Variants in KCNJ3 observed in about 807,000 individuals in gnomAD.
KCNJ3 encodes potassium inwardly rectifying channel subfamily J member 3.
KCNJ3 carries 4 observed loss-of-function variants against 39.2 expected under a neutral mutation model. The observed-to-expected ratio is 0.10, with a 90% CI of 0.05 to 0.23. KCNJ3 has a LOEUF of 0.23. KCNJ3 is among the 10% of genes least tolerant of loss of function. The pLI is 1.00. For missense variants in KCNJ3, 276 were observed against 634.9 expected, an observed-to-expected ratio of 0.43 and a Z score of 6.08; for synonymous variants, 230 against 237.4, an observed-to-expected ratio of 0.97 and a Z score of 0.29.
At chr2:154,773,460 G>A (rs1248925655) in intron 2 of KCNJ3, among the ~76,000 whole-genome samples, 1 of 152,086 alleles carries the variant, frequency 6.6e-6, no homozygotes, top group Non-Finnish European at 1.5e-5. Flanking sequence ...TATTGGGTAT[G>A]TAGGGTTTAG....
chr2:154,801,653 G>A lies in KCNJ3; in HGVS notation c.920-53074G>A, dbSNP rs1293325161. On this transcript the variant is annotated intron_variant, in intron 2 of 2. Coordinates refer to ENST00000295101, the MANE Select transcript of KCNJ3 (RefSeq NM_002239.4). ...TTTGTTTTTGAGACAGGTTGATACA[G>A]GGTCTCATTCTGTCACCCAGGCTGG... is the stretch of plus-strand genomic sequence containing the variant. Among the ~76,000 whole-genome samples the A allele has an allele frequency of 2.0e-5, 3 of 148,794 alleles. No homozygotes were observed. In the East Asian group the frequency reaches 6.0e-4, roughly 30 times the overall value.
intron 2 of KCNJ3, among the ~76,000 whole-genome samples, chr2:154,730,307 T>C (rs2105166738): frequency 6.6e-6 from 1 of 152,144 alleles, no homozygotes; most frequent in South Asian, 2.1e-4. Flanking sequence ...TTTGATTAAA[T>C]TAAAGCCTTC....
chr2:154,760,799 C>T (rs1332353060), intron 2 of KCNJ3, among the ~76,000 whole-genome samples: 45 of 135,232 alleles, frequency 3.3e-4, no homozygotes, highest in Middle Eastern at 5.1e-3. Flanking sequence ...TGCAGTGGTG[C>T]GATCTCTGCT....
chr2:154,702,226 A>T (rs767376423), intron 1 of KCNJ3, among the ~76,000 whole-genome samples: 5 of 152,008 alleles, frequency 3.3e-5, no homozygotes, highest in African/African-American at 4.8e-5. Flanking sequence ...ATGTGTCTTT[A>T]ATGCAGAATG....
chr2:154,848,555 T>G (rs1429212870), intron 2 of KCNJ3, among the ~76,000 whole-genome samples: 1 of 152,202 alleles, frequency 6.6e-6, no homozygotes, highest in Non-Finnish European at 1.5e-5. Context: ...CACTCATCAA[T>G]TGGTTTCCCA....
chr2:154,794,415 T>C (rs1266863509), intron 2 of KCNJ3, among the ~76,000 whole-genome samples: 2 of 152,170 alleles, frequency 1.3e-5, no homozygotes, highest in East Asian at 3.9e-4. Context: ...AACAGTGTTA[T>C]TTCAAAACGT....
intron 2 of KCNJ3, among the ~76,000 whole-genome samples, chr2:154,734,488 C>G (rs1340939554): frequency 6.6e-6 from 1 of 152,104 alleles, no homozygotes; most frequent in Non-Finnish European, 1.5e-5. Context: ...TAAGTGTGAG[C>G]CACCTCAAAA....
chr2:154,771,601 T>G (rs894047037), intron 2 of KCNJ3, among the ~76,000 whole-genome samples: 3 of 152,114 alleles, frequency 2.0e-5, no homozygotes, highest in Non-Finnish European at 4.4e-5. Flanking sequence ...AGGTTGTGTA[T>G]TCCAAAAGGT....
chr2:154,855,761 A>T lies in KCNJ3; in HGVS notation c.*448A>T, dbSNP rs537129410. The T allele has an allele frequency of 6.5e-6, 1 of 154,062 alleles. No homozygotes were observed. The highest frequency in any genetic ancestry group is 2.4e-5 in the African/African-American group (1 of 41,490). 9.5% of individuals were successfully genotyped at this position (154,062 alleles called of 1,614,324 possible). On this transcript the variant is annotated 3_prime_UTR_variant, in exon 3 of 3. Coordinates refer to ENST00000295101, the MANE Select transcript of KCNJ3 (RefSeq NM_002239.4). ...TGTGTGTGTGTATGTATACACACAT[A>T]TACATATATATATACACATACATAC...
intron 2 of KCNJ3, among the ~76,000 whole-genome samples, chr2:154,774,074 A>G (rs1686288957): frequency 6.6e-6 from 1 of 152,140 alleles, no homozygotes; most frequent in Non-Finnish European, 1.5e-5. Flanking sequence ...TTGCTCTCCT[A>G]TTTTATTATG....
chr2:154,823,396 T>A (rs2105112082), intron 2 of KCNJ3, among the ~76,000 whole-genome samples: 1 of 120,400 alleles, frequency 8.3e-6, no homozygotes, highest in South Asian at 3.0e-4. Flanking sequence ...CCGTAGAAAC[T>A]TTCCACATTC....
At chr2:154,819,862 T>TTAAG (rs1229478826) in intron 2 of KCNJ3, among the ~76,000 whole-genome samples, 1 of 151,858 alleles carries the variant, frequency 6.6e-6, no homozygotes, top group Non-Finnish European at 1.5e-5. Flanking sequence ...AAACTTAAGT[T>TTAAG]TAAGTTTAAC....
rs1324849617 is a variant in KCNJ3 at position 154,854,925 on chromosome 2, C to A, written c.1118C>A (p.Ala373Glu). Residue 373 changes from alanine (A) to glutamate (E), a missense_variant, in exon 3 of 3, where the codon GCA (alanine) becomes GAA (glutamate). Ala to Glu is a moderately radical substitution (Grantham distance 107). Around this residue, in one of 4 missense-constraint regions of KCNJ3, gnomAD observed 126 missense variants for 179.8 expected, o/e 0.70. Transcript: ENST00000295101. ...EMLLMSSPLIAPAITNSKERH... is the reference protein window; with the variant it reads ...EMLLMSSPLIEPAITNSKERH... Reference sequence around the variant, plus strand: ...CTTCTCATGTCGTCCCCTTTAATAGCACCAGCCATAACTAACAGCAAAGAA... The same window carrying A: ...CTTCTCATGTCGTCCCCTTTAATAGAACCAGCCATAACTAACAGCAAAGAA... The A allele has an allele frequency of 6.2e-7, 1 of 1,613,932 alleles. No individual in the cohort carries two copies. Among genetic ancestry groups the A allele is most frequent in the Admixed American group, 1.7e-5 (1 of 59,982 alleles).
In KCNJ3 at chr2:154,748,768, G is replaced by A. The variant is rs143945558; in HGVS notation, c.919+38949G>A. The stretch of plus-strand genomic sequence containing the variant: ...TCAAATGTTTCTTTTAAGTAGAGCT[G>A]TCAGTGAGAAGACAGATCAACATAC... On this transcript the variant is annotated intron_variant, in intron 2 of 2. Coordinates refer to ENST00000295101, the MANE Select transcript of KCNJ3 (RefSeq NM_002239.4). 3.0e-3 allele frequency among the ~76,000 whole-genome samples: 464 copies of A among 152,220 alleles called. 2 individuals are homozygous for A. Among genetic ancestry groups the A allele is most frequent in the African/African-American group, 0.011 (444 of 41,560 alleles).
In KCNJ3 at chr2:154,857,352, G is replaced by GTCTT. The variant is rs1330232104; in HGVS notation, c.*2041_*2044dup. Reference sequence around the variant, plus strand: ...TTACTTTGGAGAGTCATTTTAATTTGTCTTTGGTACCAAGGAGAAGACGGA... The same window carrying GTCTT: ...TTACTTTGGAGAGTCATTTTAATTTGTCTTTCTTTGGTACCAAGGAGAAGACGGA... On this transcript the variant is annotated 3_prime_UTR_variant, in exon 3 of 3. Coordinates refer to ENST00000295101, the MANE Select transcript of KCNJ3 (RefSeq NM_002239.4). 1.3e-5 allele frequency: 2 copies of GTCTT among 152,086 alleles called. No homozygotes were observed. Among genetic ancestry groups the GTCTT allele is most frequent in the African/African-American group, 2.4e-5 (1 of 41,406 alleles). The allele number at this position is 152,086 out of a possible 1,614,324, so 9.4% of individuals were successfully genotyped here.
intron 2 of KCNJ3, among the ~76,000 whole-genome samples, chr2:154,716,969 C>T (rs1685191772): frequency 6.6e-6 from 1 of 152,156 alleles, no homozygotes; most frequent in East Asian, 1.9e-4. Context: ...GAGGGAAAAA[C>T]GAACTGAACT....
chr2:154,785,360 C>T (rs1686509369), intron 2 of KCNJ3, among the ~76,000 whole-genome samples: 1 of 152,154 alleles, frequency 6.6e-6, no homozygotes. Flanking sequence ...ATCTTCTTGC[C>T]TTGTCCTCAC....
At chr2:154,709,516 T>C (rs1574429637) in intron 1 of KCNJ3, 87 bp from the exon 2 acceptor site, 1 of 1,319,618 alleles carries the variant, frequency 7.6e-7, no homozygotes, top group Non-Finnish European at 1.1e-6. Context: ...GTGCAGAATG[T>C]TGGCAATGAT....
chr2:154,831,494 T>A (rs1687363071), intron 2 of KCNJ3, among the ~76,000 whole-genome samples: 1 of 152,138 alleles, frequency 6.6e-6, no homozygotes, highest in South Asian at 2.1e-4. Flanking sequence ...TTGCCAGGTC[T>A]GTCAAAGACT....
Sources: allele counts gnomAD v4.1 joint callset (sites outside exome capture counted in the v4.1 genomes callset), GRCh38; gene constraint gnomAD v4.1.1; regional missense constraint gnomAD v4.1.1; transcripts MANE v1.5; gene names NCBI Gene and HGNC (gene_info 2026-07-23, HGNC 2026-07-21).